The following PTPRT variants were observed in gnomAD, a reference collection of about 807,000 sequenced individuals.
The protein encoded by PTPRT is receptor-type tyrosine-protein phosphatase T.
A neutral mutation model predicts 176.8 loss-of-function variants in PTPRT; 56 were observed. That is an observed-to-expected ratio of 0.32 (90% confidence interval 0.26 to 0.40). PTPRT has a LOEUF of 0.40. PTPRT is among the 10% of genes least tolerant of loss of function. The pLI is 1.00. For synonymous variants in PTPRT, 783 were observed against 739.0 expected (o/e 1.06, Z -0.96); for missense variants, 1,540 against 1,908.2 (o/e 0.81, Z 3.60).
intron 7 of PTPRT, among the ~76,000 whole-genome samples, chr20:42,675,785 T>C (rs2075491479): frequency 6.6e-6 from 1 of 152,212 alleles, no homozygotes; most frequent in African/African-American, 2.4e-5. Flanking sequence ...AGGGTTCCTA[T>C]ACACCACATT....
intron 9 of PTPRT, among the ~76,000 whole-genome samples, chr20:42,394,596 C>T (rs1469940996): frequency 6.6e-6 from 1 of 152,090 alleles, no homozygotes; most frequent in Non-Finnish European, 1.5e-5. Flanking sequence ...AATTCCGCAG[C>T]TTAGGATATG....
At chr20:42,091,004 G>C (rs961376115) in intron 27 of PTPRT, among the ~76,000 whole-genome samples, 5 of 152,226 alleles carry the variant, frequency 3.3e-5, no homozygotes, top group African/African-American at 1.2e-4. Flanking sequence ...TGCCTGAAGG[G>C]AGGGCTTTGC....
At chr20:42,846,396 C>T (rs2078372712) in intron 2 of PTPRT, among the ~76,000 whole-genome samples, 1 of 152,120 alleles carries the variant, frequency 6.6e-6, no homozygotes, top group Admixed American at 6.5e-5. Flanking sequence ...GCAAAAGCTT[C>T]CAAAGCACTA....
At chr20:43,095,211 G>A (rs2012079563) in intron 1 of PTPRT, among the ~76,000 whole-genome samples, 2 of 152,114 alleles carry the variant, frequency 1.3e-5, no homozygotes, top group South Asian at 2.1e-4. Flanking sequence ...TGGTTCCTGA[G>A]TGCCACTTGC....
intron 6 of PTPRT, among the ~76,000 whole-genome samples, chr20:42,731,451 C>G (rs892513746): frequency 6.6e-6 from 1 of 152,144 alleles, no homozygotes. Context: ...CAGGCAGGCC[C>G]CCGAGCCTGA....
chr20:42,559,542 T>C (rs2072915717), intron 7 of PTPRT, among the ~76,000 whole-genome samples: 1 of 152,094 alleles, frequency 6.6e-6, no homozygotes, highest in African/African-American at 2.4e-5. Flanking sequence ...GCCATTACTA[T>C]TAAAGGAGGG....
intron 18 of PTPRT, among the ~76,000 whole-genome samples, chr20:42,131,881 G>C (rs1016340431): frequency 2.0e-5 from 3 of 152,188 alleles, no homozygotes; most frequent in African/African-American, 7.2e-5. Flanking sequence ...CCATCAGAGG[G>C]AATGGCTAGA....
chr20:43,082,001 G>GA (rs1461200520), intron 1 of PTPRT, among the ~76,000 whole-genome samples: 4 of 152,062 alleles, frequency 2.6e-5, no homozygotes, highest in Non-Finnish European at 5.9e-5. Context: ...GGCATTCCCA[G>GA]AAAAAACCAT....
chr20:42,566,418 C>A (rs1046715976), intron 7 of PTPRT, among the ~76,000 whole-genome samples: 2 of 152,124 alleles, frequency 1.3e-5, no homozygotes, highest in Non-Finnish European at 2.9e-5. Flanking sequence ...TTACAGGCAC[C>A]GCAGCCAGCT....
At chr20:42,194,693 A>T (rs951988600) in intron 16 of PTPRT, among the ~76,000 whole-genome samples, 1 of 152,194 alleles carries the variant, frequency 6.6e-6, no homozygotes, top group African/African-American at 2.4e-5. Flanking sequence ...ATTACTTAAT[A>T]AAAGCTAGCA....
intron 6 of PTPRT, among the ~76,000 whole-genome samples, chr20:42,749,415 T>C (rs2076738078): frequency 6.6e-6 from 1 of 152,198 alleles, no homozygotes. Flanking sequence ...GCGCTCATTG[T>C]TCCAACCTCT....
chr20:43,166,228 G>A lies in PTPRT; in HGVS notation c.88+23418C>T, dbSNP rs186950557. Among the ~76,000 whole-genome samples, 281 of 152,114 alleles carry A rather than the reference G, an allele frequency of 1.8e-3. 3 individuals carry two copies. Among genetic ancestry groups the A allele is most frequent in the African/African-American group, 6.6e-3 (274 of 41,488 alleles). Reference sequence around the variant, plus strand: ...TGTAATCCCAGCTACTCGGGAGGCTGAGGCAGGAGAATCACTTGAACCCAG... The same window carrying A: ...TGTAATCCCAGCTACTCGGGAGGCTAAGGCAGGAGAATCACTTGAACCCAG... On this transcript the variant is annotated intron_variant, in intron 1 of 30. Transcript: ENST00000373187.
intron 16 of PTPRT, among the ~76,000 whole-genome samples, chr20:42,199,031 T>C (rs1399858770): frequency 6.6e-6 from 1 of 152,226 alleles, no homozygotes; most frequent in East Asian, 1.9e-4. Context: ...TTCCATCTGA[T>C]TTGGGGAAGA....
chr20:42,721,420 G>A (rs936314199), intron 6 of PTPRT, among the ~76,000 whole-genome samples: 2 of 152,164 alleles, frequency 1.3e-5, no homozygotes, highest in African/African-American at 2.4e-5. Flanking sequence ...CGGTGTGGGT[G>A]GATGGAAGCG....
At chr20:42,184,608 T>TC (rs1568652588) in intron 16 of PTPRT, among the ~76,000 whole-genome samples, 12 of 145,448 alleles carry the variant, frequency 8.3e-5, no homozygotes, top group African/African-American at 3.1e-4. Context: ...TTCTTCTTCT[T>TC]CTTCTTCTCC....
At chr20:42,780,196 T>C in intron 4 of PTPRT, 22 bp downstream of exon 4, 1 of 1,597,090 alleles carries the variant, frequency 6.3e-7, no homozygotes, top group Non-Finnish European at 8.6e-7. Flanking sequence ...AAGGCTGTGT[T>C]GGGAGGAAGG....
intron 9 of PTPRT, among the ~76,000 whole-genome samples, chr20:42,384,138 A>T (rs766127840): frequency 6.6e-6 from 1 of 152,234 alleles, no homozygotes; most frequent in Non-Finnish European, 1.5e-5. Flanking sequence ...GGACTCATCC[A>T]TCAAATGCAT....
chr20:43,054,359 G>A (rs1366836157), intron 1 of PTPRT, among the ~76,000 whole-genome samples: 5 of 152,078 alleles, frequency 3.3e-5, no homozygotes, highest in Admixed American at 6.5e-5. Flanking sequence ...TTCAAGACCA[G>A]CCTGGGCAAC....
chr20:42,710,500 T>C (rs1315395206), intron 6 of PTPRT, among the ~76,000 whole-genome samples: 2 of 152,218 alleles, frequency 1.3e-5, no homozygotes, highest in Non-Finnish European at 2.9e-5. Flanking sequence ...CCATAAGCCT[T>C]GGAAGCTTCC....
Sources: allele counts gnomAD v4.1 joint callset (sites outside exome capture counted in the v4.1 genomes callset), GRCh38; gene constraint gnomAD v4.1.1; transcripts MANE v1.5; gene names NCBI Gene and HGNC (gene_info 2026-07-23, HGNC 2026-07-21).